Variants in FTCD observed in about 807,000 individuals in gnomAD.
FTCD encodes the protein formimidoyltransferase-cyclodeaminase.
In FTCD, 76 loss-of-function variants were observed where a neutral mutation model predicts 62.9. That is an observed-to-expected ratio of 1.21 (90% confidence interval 1.00 to 1.46). The LOEUF (loss-of-function observed/expected upper bound fraction) is 1.46. Ranked by LOEUF, FTCD falls within the 40% of genes most tolerant of loss-of-function variation. The probability of loss-of-function intolerance (pLI) is 0.00; values close to 1 mark genes in which losing one functional copy is unlikely to be tolerated. For synonymous variants in FTCD, 397 were observed against 336.9 expected (o/e 1.18, Z -1.95); for missense variants, 845 against 751.3 (o/e 1.12, Z -1.46).
intron 3 of FTCD, 126 bp from the exon 4 acceptor site, chr21:46,152,106 G>A: frequency 1.5e-6 from 1 of 666,240 alleles, no homozygotes; most frequent in South Asian, 1.9e-5. Flanking sequence ...ACCCTCTCCT[G>A]GGGAGTGCCC....
intron 10 of FTCD, chr21:46,139,142 AC>A: frequency 3.3e-6 from 2 of 601,198 alleles, no homozygotes; most frequent in Non-Finnish European, 6.0e-6. Context: ...ATGGTCAGAG[AC>A]CCGGGGATGT....
In FTCD at chr21:46,154,304, G is replaced by T; in HGVS notation, c.83C>A (p.Thr28Lys). Residue 28 changes from threonine to lysine, a missense_variant, in exon 2 of 14, where the codon ACA (threonine) becomes AAA (lysine). Coordinates refer to ENST00000397746, the MANE Select transcript of FTCD (RefSeq NM_206965.2). ...CAGCAGCACGCAGCCCGGGGTCTGT[G>T]TGATGGCTCCAGAGATGGCGTCGAT... The part of the protein sequence containing the change: ...EVIDAISGAI[T>K]QTPGCVLLDV... 1.2e-6 allele frequency: 2 copies of T among 1,611,470 alleles called. No individual in the cohort carries two copies. Among genetic ancestry groups the T allele is most frequent in the Non-Finnish European group, 1.7e-6 (2 of 1,179,644 alleles).
At chr21:46,138,791 G>T in intron 11 of FTCD, 89 bp downstream of exon 11, 1 of 1,426,548 alleles carries the variant, frequency 7.0e-7, no homozygotes, top group South Asian at 1.1e-5. Flanking sequence ...GGCCAACCAC[G>T]CCCCGTCACA....
intron 12 of FTCD, among the ~76,000 whole-genome samples, chr21:46,137,967 G>A (rs1299222569): frequency 1.3e-5 from 2 of 152,196 alleles, no homozygotes; most frequent in Non-Finnish European, 2.9e-5. Flanking sequence ...TGTGATCACG[G>A]CTCACTGCAG....
intron 10 of FTCD, among the ~76,000 whole-genome samples, chr21:46,144,930 C>G (rs1485312376): frequency 6.6e-6 from 1 of 151,526 alleles, no homozygotes; most frequent in Non-Finnish European, 1.5e-5. Flanking sequence ...GAGGTGGGGT[C>G]ACTGCCTGCC....
intron 5 of FTCD, among the ~76,000 whole-genome samples, chr21:46,150,926 T>TG (rs1754469954): frequency 6.6e-6 from 1 of 152,176 alleles, no homozygotes; most frequent in South Asian, 2.1e-4. Context: ...TGAGTCCACG[T>TG]GGGGGGACTC....
intron 2 of FTCD, 45 bp from the exon 3 acceptor site, chr21:46,153,080 C>T (rs749971905): frequency 4.8e-5 from 73 of 1,529,328 alleles, no homozygotes; most frequent in Middle Eastern, 2.2e-4. Flanking sequence ...GGTGTGGGAG[C>T]GGGTGGGAGC....
intron 3 of FTCD, chr21:46,152,289 A>T (rs2079309175): frequency 2.7e-6 from 1 of 367,126 alleles, no homozygotes; most frequent in Non-Finnish European, 4.9e-6. Flanking sequence ...TTGTATGATA[A>T]ACAGAACCGC....
At chr21:46,145,981 G>T in intron 8 of FTCD, 34 bp from the exon 9 acceptor site, 1 of 1,293,050 alleles carries the variant, frequency 7.7e-7, no homozygotes, top group Non-Finnish European at 1.0e-6. Flanking sequence ...GGGTCTGGCC[G>T]GGGTTGGTGG....
Position 46,152,994 on chromosome 21 carries a change from T to C in FTCD, c.280A>G (p.Ile94Val). 6.4e-7 allele frequency: 1 copy of C among 1,551,446 alleles called. No individual in the cohort carries two copies. Among genetic ancestry groups the C allele is most frequent in the Non-Finnish European group, 8.7e-7 (1 of 1,147,406 alleles). Residue 94 changes from isoleucine to valine, a missense_variant, in exon 3 of 14, where the codon ATC (isoleucine) becomes GTC (valine). By Grantham distance (29) the Ile-to-Val change is conservative. Coordinates refer to ENST00000397746, the MANE Select transcript of FTCD (RefSeq NM_206965.2). ...RMGALDVCPF[I>V]PVRGVSVDEC... The stretch of plus-strand genomic sequence containing the variant: ...TCCACGCTGACGCCCCTCACGGGGA[T>C]GAAGGGGCAGACGTCTAGGGCCCCC...
rs56201328 is a variant in FTCD, at chr21:46,141,303, ATT to A, written c.1261-2382_1261-2381del. On this transcript the variant is annotated intron_variant, in intron 10 of 13. Coordinates refer to ENST00000397746, the MANE Select transcript of FTCD (RefSeq NM_206965.2). ...GGTACCTGCTACCACGCCTGGCTTT[ATT>A]TTTTTTTTTTCTTTTTGGGTGGGTA... Among the ~76,000 whole-genome samples the A allele has an allele frequency of 2.8e-4, 40 of 142,756 alleles. No individual in the cohort carries two copies. The South Asian group carries it at 4.3e-3, about 15-fold the overall frequency. 93.7% of individuals were successfully genotyped at this position (142,756 alleles called of 152,430 possible). A position where few individuals can be genotyped will look rare whatever the true frequency, so the allele number is the denominator to read the frequency against.
intron 1 of FTCD, among the ~76,000 whole-genome samples, 193 bp downstream of exon 1, chr21:46,155,277 C>T (rs1280287433): frequency 1.3e-5 from 2 of 152,180 alleles, no homozygotes; most frequent in African/African-American, 4.8e-5. Flanking sequence ...AGTCGTGTTC[C>T]ACCCACCCCT....
In FTCD at chr21:46,138,580, C is replaced by T. The variant is rs544253281; in HGVS notation, c.1371G>A (p.Thr457=). ...GCAGGGCCGGCCACAGCGAGGCCAC[C>T]GTCTCCGCCAGCGTCAGCGGCACAG... ...AVSVPLTLAE[T]VASLWPALQE... The change falls in exon 12 of 14, where the codon ACG becomes ACA. Residue 457 remains threonine (T), a synonymous_variant. Coordinates refer to ENST00000397746, the MANE Select transcript of FTCD (RefSeq NM_206965.2). The T allele has an allele frequency of 4.0e-5, 64 of 1,588,740 alleles. No individual in the cohort carries two copies. In the African/African-American group the frequency reaches 5.5e-4, roughly 14 times the overall value.
chr21:46,155,319 G>C (rs151203613), intron 1 of FTCD, 151 bp downstream of exon 1: 2 of 704,406 alleles, frequency 2.8e-6, no homozygotes, highest in Non-Finnish European at 5.1e-6. Context: ...CCTGAGCCAC[G>C]GGATGTCCTT....
At chr21:46,153,325 G>T (rs1310083911) in intron 2 of FTCD, among the ~76,000 whole-genome samples, 1 of 152,202 alleles carries the variant, frequency 6.6e-6, no homozygotes, top group Non-Finnish European at 1.5e-5. Context: ...GGGTGGTCTG[G>T]CATCTCTGGG....
rs770230904 is a variant in FTCD at position 46,154,148 on chromosome 21, C to A, written c.238+1G>T. ...GCCACAGGAGAGCCCAGAGACCTCA[C>A]CTTGGTGCCTGCTCATGTCGATAAG... On this transcript the variant is annotated splice_donor_variant, in intron 2 of 13. Coordinates refer to ENST00000397746, the MANE Select transcript of FTCD (RefSeq NM_206965.2). LOFTEE classifies it high-confidence loss of function. The A allele has an allele frequency of 3.7e-6, 6 of 1,612,768 alleles. No homozygotes were observed. The Admixed American group carries it at 6.7e-5, about 18-fold the overall frequency.
At chr21:46,152,143 G>A in intron 3 of FTCD, 163 bp from the exon 4 acceptor site, 1 of 592,872 alleles carries the variant, frequency 1.7e-6, no homozygotes, top group South Asian at 2.2e-5. Context: ...GGATGCGGGT[G>A]GTCCCAGTGG....
At chr21:46,141,800 C>G (rs959931895) in intron 10 of FTCD, among the ~76,000 whole-genome samples, 2 of 152,202 alleles carry the variant, frequency 1.3e-5, no homozygotes, top group African/African-American at 4.8e-5. Context: ...CAGATAACTT[C>G]CTGGAAAAGA....
At chr21:46,140,488 G>A (rs930921441) in intron 10 of FTCD, among the ~76,000 whole-genome samples, 11 of 146,366 alleles carry the variant, frequency 7.5e-5, no homozygotes, top group African/African-American at 2.4e-4. Flanking sequence ...TTGTTCGCAG[G>A]GAATGTAAAT....
Sources: allele counts gnomAD v4.1 joint callset (sites outside exome capture counted in the v4.1 genomes callset), GRCh38; gene constraint gnomAD v4.1.1; transcripts MANE v1.5; gene names NCBI Gene and HGNC (gene_info 2026-07-23, HGNC 2026-07-21).